ITGB4: variants seen among roughly 807,000 people sequenced by gnomAD.
ITGB4 encodes the protein integrin beta-4.
ITGB4 carries 159 observed loss-of-function variants against 207.6 expected under a neutral mutation model. The ratio of observed to expected loss-of-function variants is 0.77; its 90% CI spans 0.67 to 0.87. The LOEUF (loss-of-function observed/expected upper bound fraction) is 0.87, where lower values mean the gene tolerates loss of function less well. Among genes scored for constraint, ITGB4 ranks in the 40% least tolerant of loss-of-function variants. ITGB4 has a pLI of 0.00. For missense variants in ITGB4, 2,278 were observed against 2,546.8 expected, an observed-to-expected ratio of 0.89 and a Z score of 2.27; for synonymous variants, 1,020 against 1,062.7, an observed-to-expected ratio of 0.96 and a Z score of 0.78.
chr17:75,730,543 G>A, intron 8 of ITGB4, 39 bp downstream of exon 8: 1 of 1,611,066 alleles, frequency 6.2e-7, no homozygotes, highest in Non-Finnish European at 8.5e-7. Flanking sequence ...GGTGGTCAAG[G>A]TAGGGGGTCC....
chr17:75,739,840 G>C lies in ITGB4; in HGVS notation c.2255-40G>C. The C allele has an allele frequency of 6.2e-7, 1 of 1,612,200 alleles. No homozygotes were observed. The highest frequency in any genetic ancestry group is 8.5e-7 in the Non-Finnish European group (1 of 1,178,688). ...CACCTGAAGAGGTTGGGCTGTGCGG[G>C]TCTAGGGAGGGGTGCCGTGCTGAGG... On this transcript the variant is annotated intron_variant, in intron 19 of 39. Transcript: ENST00000200181. This position sits in a 1 kb window ranked among gnomAD's most constrained non-coding sequence, Gnocchi z 5.4.
chr17:75,724,607 A>G lies in ITGB4; in HGVS notation c.-10-87A>G, dbSNP rs2060681069. 7 of 1,031,522 alleles carry G rather than the reference A, an allele frequency of 6.8e-6. 1 individual carries two copies. In the South Asian group the frequency reaches 8.9e-5, roughly 13 times the overall value. The allele number at this position is 1,031,522 out of a possible 1,614,324, so 63.9% of individuals were successfully genotyped here. A position where few individuals can be genotyped will look rare whatever the true frequency, so the allele number is the denominator to read the frequency against. ...TCACATTGTTGGTGCTCAGAGCCTC[A>G]GTTCCCACAGCTGTGCAGCGAGAGG... is the stretch of plus-strand genomic sequence containing the variant. On this transcript the variant is annotated intron_variant, in intron 1 of 39. Coordinates refer to ENST00000200181, the MANE Select transcript of ITGB4 (RefSeq NM_000213.5).
At chr17:75,748,767 G>A (rs895804820) in intron 26 of ITGB4, 74 bp from the exon 27 acceptor site, 2 of 1,117,566 alleles carry the variant, frequency 1.8e-6, no homozygotes, top group African/African-American at 1.5e-5. Flanking sequence ...CATGAGGTTG[G>A]GAGGGAGCGT....
rs1390653832 is a variant in ITGB4 at position 75,753,825 on chromosome 17, G to A, written c.4169G>A (p.Trp1390Ter). The change falls in exon 33 of 40, where the codon TGG (tryptophan) becomes TAG (stop). Residue 1390 changes from tryptophan to a stop codon, truncating the protein, a stop_gained. Coordinates refer to ENST00000200181, the MANE Select transcript of ITGB4 (RefSeq NM_000213.5). LOFTEE classifies it high-confidence loss of function. Reference sequence around the variant, plus strand: ...GAGCTGGACCTGCGGCGCGTCACGTGGCGGCTGCCCCCGGAGCTCATCCCG... The same window carrying A: ...GAGCTGGACCTGCGGCGCGTCACGTAGCGGCTGCCCCCGGAGCTCATCCCG... ...GEELDLRRVT[W>*]RLPPELIPRL... 1.8e-5 allele frequency: 26 copies of A among 1,462,622 alleles called. No homozygotes were observed. The highest frequency in any genetic ancestry group is 2.2e-4 in the Middle Eastern group (1 of 4,572). The allele number at this position is 1,462,622 out of a possible 1,614,324, so 90.6% of individuals were successfully genotyped here. A position where few individuals can be genotyped will look rare whatever the true frequency, so the allele number is the denominator to read the frequency against.
At position 75,757,053 on chromosome 17, in the gene ITGB4, G is replaced by A; in HGVS notation, c.5164G>A (p.Glu1722Lys). ...GTTCAAGGTGCAGGCCAGGACCACTGAGGGCTTCGGGCCAGAGCGCGAGGG... is the reference window on the plus strand; with the variant it reads ...GTTCAAGGTGCAGGCCAGGACCACTAAGGGCTTCGGGCCAGAGCGCGAGGG... Reference protein sequence around the residue: ...YKFKVQARTTEGFGPEREGII... With the variant: ...YKFKVQARTTKGFGPEREGII... Residue 1722 changes from glutamate (E) to lysine (K), a missense_variant, in exon 38 of 40, where the codon GAG (glutamate) becomes AAG (lysine). Physicochemically the swap from Glu to Lys is moderately conservative, Grantham distance 56. Transcript: ENST00000200181. The A allele has an allele frequency of 1.2e-6, 2 of 1,612,836 alleles. No homozygotes were observed.
rs140819116 is a variant in ITGB4 at position 75,740,442 on chromosome 17, G to T, written c.2531G>T (p.Arg844Leu). Residue 844 changes from arginine to leucine, a missense_variant, in exon 21 of 40, where the codon CGC becomes CTC. Coordinates refer to ENST00000200181, the MANE Select transcript of ITGB4 (RefSeq NM_000213.5). The surrounding 1 kb of genome is among the most constrained non-coding windows in gnomAD (Gnocchi z 5.9). ...GACACTCGGGAGTGCGCCCAGCTGC[G>T]CCAGGAGGTGGAGGAGAACGTAAGG... ...KPDTRECAQL[R>L]QEVEENLNEV... is the part of the protein sequence containing the mutation. The T allele has an allele frequency of 1.5e-4, 241 of 1,613,696 alleles. No homozygotes were observed. In the East Asian group the frequency reaches 4.4e-3, roughly 30 times the overall value.
chr17:75,750,157 A>G lies in ITGB4; in HGVS notation c.3363A>G (p.Pro1121=). The change falls in exon 28 of 40, where the codon CCA becomes CCG. Residue 1121 remains proline, a synonymous_variant. Coordinates refer to ENST00000200181, the MANE Select transcript of ITGB4 (RefSeq NM_000213.5). The surrounding 1 kb of genome is among the most constrained non-coding windows in gnomAD (Gnocchi z 5.5). ...CGAGTCAGATGTTGTCATCACAGCC[A>G]CCCCCTCACGGCGACCTGGGCGCCC... ...SFTSQMLSSQ[P]PPHGDLGAPQ... 1.2e-6 allele frequency: 2 copies of G among 1,613,588 alleles called. No individual in the cohort carries two copies. The highest frequency in any genetic ancestry group is 1.7e-6 in the Non-Finnish European group (2 of 1,179,970).
chr17:75,729,161 A>C lies in ITGB4; in HGVS notation c.567-104A>C. On this transcript the variant is annotated intron_variant, in intron 6 of 39. Coordinates refer to ENST00000200181, the MANE Select transcript of ITGB4 (RefSeq NM_000213.5). The surrounding 1 kb of genome is among the most constrained non-coding windows in gnomAD (Gnocchi z 4.4). ...GTGATAAAGCGAGACTTGGTCTCAA[A>C]AAAAAAAAAAAAAATTCTCCTTCTA... 1 of 984,372 alleles carries C rather than the reference A, an allele frequency of 1.0e-6. No homozygotes were observed. Among genetic ancestry groups the C allele is most frequent in the Non-Finnish European group, 1.4e-6 (1 of 715,450 alleles). The allele number at this position is 984,372 out of a possible 1,614,324, so 61.0% of individuals were successfully genotyped here. A position where few individuals can be genotyped will look rare whatever the true frequency, so the allele number is the denominator to read the frequency against.
chr17:75,731,900 A>G lies in ITGB4; in HGVS notation c.1304A>G (p.His435Arg), dbSNP rs745510998. 8 of 1,614,078 alleles carry G rather than the reference A, an allele frequency of 5.0e-6. No individual in the cohort carries two copies. Among genetic ancestry groups the G allele is most frequent in the South Asian group, 4.4e-5 (4 of 91,090 alleles). ...CCGGAGGACCAGAAGGGCAACATCCATCTGAAACCTTCCTTCTCCGACGGC... is the reference window on the plus strand; with the variant it reads ...CCGGAGGACCAGAAGGGCAACATCCGTCTGAAACCTTCCTTCTCCGACGGC... ...QLPEDQKGNI[H>R]LKPSFSDGLK... The change falls in exon 11 of 40, where the codon CAT becomes CGT. Residue 435 changes from histidine (H) to arginine (R), a missense_variant. Transcript: ENST00000200181. The surrounding 1 kb of genome is among the most constrained non-coding windows in gnomAD (Gnocchi z 6.8).
chr17:75,736,237 GC>G, intron 14 of ITGB4, 50 bp from the exon 15 acceptor site: 1 of 1,602,534 alleles, frequency 6.2e-7, no homozygotes, highest in South Asian at 1.1e-5. Flanking sequence ...AGGAGAGGGA[GC>G]AGGCAGGGAT....
chr17:75,728,557 A>T, intron 6 of ITGB4, 84 bp downstream of exon 6: 1 of 1,145,086 alleles, frequency 8.7e-7, no homozygotes, highest in Non-Finnish European at 1.3e-6. Context: ...ACTTAAAATT[A>T]TCCTTCTACG....
At chr17:75,748,806 G>T in intron 26 of ITGB4, 35 bp from the exon 27 acceptor site, 1 of 1,543,360 alleles carries the variant, frequency 6.5e-7, no homozygotes. Context: ...TCAGCCCCCA[G>T]CCATGACCCT....
chr17:75,744,442 A>G (rs2061190878), intron 26 of ITGB4, among the ~76,000 whole-genome samples: 1 of 151,638 alleles, frequency 6.6e-6, no homozygotes, highest in East Asian at 2.0e-4. Flanking sequence ...TTCTTCCTTC[A>G]TGGGCCAGGG....
intron 18 of ITGB4, among the ~76,000 whole-genome samples, chr17:75,738,875 A>G (rs2061042285): frequency 6.6e-6 from 1 of 152,204 alleles, no homozygotes; most frequent in African/African-American, 2.4e-5. Flanking sequence ...CTACTCAGAA[A>G]GCTGAGGCAG....
Position 75,740,084 on chromosome 17 carries a change from C to A in ITGB4, c.2446+13C>A, listed in dbSNP as rs929554337. ...CCCACAGAGCTGGGTGAGGGCGGGG[C>A]TGGGCGCCACAGCTCTGGGCAGTGC... is the stretch of plus-strand genomic sequence containing the variant. On this transcript the variant is annotated intron_variant, in intron 20 of 39. Coordinates refer to ENST00000200181, the MANE Select transcript of ITGB4 (RefSeq NM_000213.5). This position sits in a 1 kb window ranked among gnomAD's most constrained non-coding sequence, Gnocchi z 5.9. The A allele has an allele frequency of 1.2e-6, 2 of 1,606,530 alleles. No homozygotes were observed. The highest frequency in any genetic ancestry group is 1.3e-5 in the African/African-American group (1 of 74,786).
Position 75,724,782 on chromosome 17 carries a change from G to A in ITGB4, c.79G>A (p.Ala27Thr). ...CAGCGTCAGCCTCTCTGGGACCTTG[G>A]GTGAGTCCACGTTGCCCTGCAGCCC... ...LISVSLSGTL[A>T]NRCKKAPVKS... The change falls in exon 2 of 40, where the codon GCA becomes ACA. Residue 27 changes from alanine (A) to threonine (T), a missense_variant and splice_region_variant. Coordinates refer to ENST00000200181, the MANE Select transcript of ITGB4 (RefSeq NM_000213.5). 1 of 1,613,400 alleles carries A rather than the reference G, an allele frequency of 6.2e-7. No individual in the cohort carries two copies. The highest frequency in any genetic ancestry group is 8.5e-7 in the Non-Finnish European group (1 of 1,179,820).
In ITGB4 at chr17:75,742,788, AGGCAGACG is replaced by A. The variant is rs1449312344; in HGVS notation, c.2962+30_2962+37del. The A allele has an allele frequency of 6.3e-7, 1 of 1,594,582 alleles. No homozygotes were observed. The highest frequency in any genetic ancestry group is 8.5e-7 in the Non-Finnish European group (1 of 1,174,262). ...TGGGTCTGGGTGGGGAGAGTGGGGA[AGGCAGACG>A]GGGGCTCGGGGGCACTGGTTCCTCC... On this transcript the variant is annotated intron_variant, in intron 25 of 39. Transcript: ENST00000200181. The surrounding 1 kb of genome is among the most constrained non-coding windows in gnomAD (Gnocchi z 5.9).
Position 75,740,226 on chromosome 17 carries a change from G to A in ITGB4, c.2447-132G>A. 8.3e-7 allele frequency: 1 copy of A among 1,207,952 alleles called. No individual in the cohort carries two copies. The highest frequency in any genetic ancestry group is 2.0e-5 in the Admixed American group (1 of 50,026). The allele number at this position is 1,207,952 out of a possible 1,614,324, so 74.8% of individuals were successfully genotyped here. A position where few individuals can be genotyped will look rare whatever the true frequency, so the allele number is the denominator to read the frequency against. ...GTGCTGATGGTGCTATGAACCTCAT[G>A]CCTCGGTGTGCGTGGCCTGCTGGCC... On this transcript the variant is annotated intron_variant, in intron 20 of 39. Transcript: ENST00000200181. The surrounding 1 kb of genome is among the most constrained non-coding windows in gnomAD (Gnocchi z 5.9).
Position 75,756,547 on chromosome 17 carries a change from C to T in ITGB4, c.4827C>T (p.Gly1609=), listed in dbSNP as rs1568387123. ...RVRAQSQEGW[G]REREGVITIE... ...GGGCCCAGAGCCAGGAAGGCTGGGGCCGAGAGCGTGAGGGTGTCATCACCA... is the reference window on the plus strand; with the variant it reads ...GGGCCCAGAGCCAGGAAGGCTGGGGTCGAGAGCGTGAGGGTGTCATCACCA... Residue 1609 remains glycine, a synonymous_variant, in exon 36 of 40, where the codon GGC becomes GGT. Transcript: ENST00000200181. 1 of 1,613,270 alleles carries T rather than the reference C, an allele frequency of 6.2e-7. No individual in the cohort carries two copies. Among genetic ancestry groups the T allele is most frequent in the Non-Finnish European group, 8.5e-7 (1 of 1,180,012 alleles).
Sources: allele counts gnomAD v4.1 joint callset (sites outside exome capture counted in the v4.1 genomes callset), GRCh38; gene constraint gnomAD v4.1.1; non-coding constraint Gnocchi (gnomAD v3.1); transcripts MANE v1.5; gene names NCBI Gene and HGNC (gene_info 2026-07-23, HGNC 2026-07-21).